The following KIF11 variants were observed in gnomAD, a reference collection of about 807,000 sequenced individuals.
KIF11 encodes the protein kinesin-like protein KIF11.
KIF11 carries 9 observed loss-of-function variants against 121.0 expected under a neutral mutation model. The observed-to-expected ratio is 0.07, with a 90% confidence interval of 0.04 to 0.13. The LOEUF is 0.13. Ranked by LOEUF, KIF11 falls within the 10% of genes least tolerant of loss-of-function variation. KIF11 has a pLI of 1.00. For synonymous variants in KIF11, 408 were observed against 421.0 expected (o/e 0.97, Z 0.38); for missense variants, 846 against 1,217.5 (o/e 0.69, Z 4.54).
In KIF11 at chr10:92,651,507, GTTTTTTTTTTT is replaced by G. The variant is rs1175303233; in HGVS notation, c.3039+1021_3039+1031del. 7.4e-4 allele frequency among the ~76,000 whole-genome samples: 39 copies of G among 52,974 alleles called. 4 individuals carry two copies. The highest frequency in any genetic ancestry group is 1.9e-3 in the South Asian group (2 of 1,032). The allele number at this position is 52,974 out of a possible 152,430, so 34.8% of individuals were successfully genotyped here. A position where few individuals can be genotyped will look rare whatever the true frequency, so the allele number is the denominator to read the frequency against. On this transcript the variant is annotated intron_variant, in intron 21 of 21. Coordinates refer to ENST00000260731, the MANE Select transcript of KIF11 (RefSeq NM_004523.4). Reference sequence around the variant, plus strand: ...TGTGCCACCATGCCTGGCTAATTTTGTTTTTTTTTTTTTTTTTTTTTTTTTTTTTTTTTTTT... The same window carrying G: ...TGTGCCACCATGCCTGGCTAATTTTGTTTTTTTTTTTTTTTTTTTTTTTTT...
At chr10:92,612,993 T>C (rs766869481) in intron 6 of KIF11, 47 bp from the exon 7 acceptor site, 4 of 1,082,732 alleles carry the variant, frequency 3.7e-6, no homozygotes, top group Non-Finnish European at 5.5e-6. Flanking sequence ...AAGCAGCAAA[T>C]GCTATTTTAC....
At chr10:92,599,109 G>A (rs1466990356) in intron 1 of KIF11, among the ~76,000 whole-genome samples, 1 of 150,886 alleles carries the variant, frequency 6.6e-6, no homozygotes, top group Non-Finnish European at 1.5e-5. Flanking sequence ...CATTTTATAA[G>A]TCTTTCACCT....
At chr10:92,643,282 A>G (rs1325606345) in intron 17 of KIF11, among the ~76,000 whole-genome samples, 2 of 152,098 alleles carry the variant, frequency 1.3e-5, no homozygotes, top group African/African-American at 4.8e-5. Flanking sequence ...TACTTTTTAA[A>G]TATTCCCTTT....
Position 92,593,228 on chromosome 10 carries a change from A to T in KIF11, c.-148A>T. On this transcript the variant is annotated 5_prime_UTR_variant, in exon 1 of 22. Transcript: ENST00000260731. ...CCAGAGTACCGGGTAGAGAGCGGGG[A>T]CGCCGACCTGCGTGCGTCGGTCCTC... 1 of 682,352 alleles carries T rather than the reference A, an allele frequency of 1.5e-6. No homozygotes were observed. Among genetic ancestry groups the T allele is most frequent in the Non-Finnish European group, 2.5e-6 (1 of 403,410 alleles). The allele number at this position is 682,352 out of a possible 1,614,324, so 42.3% of individuals were successfully genotyped here.
Position 92,653,983 on chromosome 10 carries a change from A to G in KIF11, c.*187A>G, listed in dbSNP as rs1469474930. ...TGGATTGCTTGAGCCCAGGAGTTTG[A>G]GACCAGCCTGGCCAACGTGGCAAAA... On this transcript the variant is annotated 3_prime_UTR_variant, in exon 22 of 22. Transcript: ENST00000260731. 5 of 420,080 alleles carry G rather than the reference A, an allele frequency of 1.2e-5. No individual in the cohort carries two copies. In the East Asian group the frequency reaches 2.2e-4, roughly 18 times the overall value. 26.0% of individuals were successfully genotyped at this position (420,080 alleles called of 1,614,324 possible).
chr10:92,610,554 G>A (rs1844484573), intron 6 of KIF11, among the ~76,000 whole-genome samples: 1 of 152,034 alleles, frequency 6.6e-6, no homozygotes, highest in Non-Finnish European at 1.5e-5. Context: ...GTGTGTGTGT[G>A]GTCTTTAAAC....
At chr10:92,622,514 C>T (rs1844629497) in intron 10 of KIF11, among the ~76,000 whole-genome samples, 1 of 151,750 alleles carries the variant, frequency 6.6e-6, no homozygotes, top group South Asian at 2.1e-4. Context: ...ACTCGGGAGG[C>T]TGAGGCAGGA....
intron 12 of KIF11, among the ~76,000 whole-genome samples, chr10:92,631,024 G>A (rs1844733053): frequency 6.6e-6 from 1 of 151,528 alleles, no homozygotes; most frequent in Admixed American, 6.6e-5. Context: ...GGTGGCTCAC[G>A]CCTGTAATCC....
chr10:92,618,058 A>G (rs1449980408), intron 9 of KIF11, among the ~76,000 whole-genome samples: 1 of 151,962 alleles, frequency 6.6e-6, no homozygotes, highest in Non-Finnish European at 1.5e-5. Flanking sequence ...TTTAATTAGC[A>G]TTTCCCTAAT....
intron 10 of KIF11, among the ~76,000 whole-genome samples, chr10:92,625,686 C>T: frequency 6.6e-6 from 1 of 152,096 alleles, no homozygotes; most frequent in East Asian, 1.9e-4. Context: ...ACCCCATAGT[C>T]TCTGTCCATA....
In KIF11 at chr10:92,636,925, C is replaced by T. The variant is rs113179374; in HGVS notation, c.1876-259C>T. 0.15 allele frequency among the ~76,000 whole-genome samples: 22,488 copies of T among 147,858 alleles called. 3,559 individuals are homozygous for T. The highest frequency in any genetic ancestry group is 0.4 in the African/African-American group (16,339 of 40,592). Reference sequence around the variant, plus strand: ...GCTCACACCTATAATCCCAGCTACTCCGGAGGCTGAGGCAGGAGAATCACT... The same window carrying T: ...GCTCACACCTATAATCCCAGCTACTTCGGAGGCTGAGGCAGGAGAATCACT... On this transcript the variant is annotated intron_variant, in intron 14 of 21. Transcript: ENST00000260731.
At chr10:92,606,072 A>G (rs1412893970) in intron 1 of KIF11, among the ~76,000 whole-genome samples, 193 bp from the exon 2 acceptor site, 1 of 152,220 alleles carries the variant, frequency 6.6e-6, no homozygotes, top group Non-Finnish European at 1.5e-5. Flanking sequence ...TTAAAAAATT[A>G]TATTTGTGAA....
At chr10:92,599,770 A>T (rs1204187781) in intron 1 of KIF11, among the ~76,000 whole-genome samples, 2 of 145,506 alleles carry the variant, frequency 1.4e-5, no homozygotes, top group Non-Finnish European at 3.0e-5. Context: ...CTCCTGCCTC[A>T]GCCTCCCGAG....
intron 8 of KIF11, among the ~76,000 whole-genome samples, chr10:92,614,934 G>A (rs184929873): frequency 6.5e-4 from 99 of 152,142 alleles, no homozygotes; most frequent in African/African-American, 2.1e-3. Context: ...CTACAAGTGT[G>A]AGCCACCAGG....
chr10:92,633,575 AATAT>A, intron 13 of KIF11, 44 bp from the exon 14 acceptor site: 5 of 1,302,702 alleles, frequency 3.8e-6, no homozygotes, highest in African/African-American at 1.5e-5. Flanking sequence ...AACGGTATTT[AATAT>A]ATTTATGTCA....
chr10:92,599,930 C>T (rs1235818968), intron 1 of KIF11, among the ~76,000 whole-genome samples: 2 of 149,302 alleles, frequency 1.3e-5, no homozygotes, highest in Non-Finnish European at 1.5e-5. Flanking sequence ...GGATTACAGC[C>T]GTGAGCCACT....
intron 6 of KIF11, among the ~76,000 whole-genome samples, chr10:92,612,469 T>A (rs892396642): frequency 2.0e-5 from 3 of 152,218 alleles, no homozygotes; most frequent in African/African-American, 7.2e-5. Flanking sequence ...AGGTAGACTT[T>A]TGAACATTTT....
At chr10:92,642,596 A>C (rs1202383705) in intron 17 of KIF11, among the ~76,000 whole-genome samples, 1 of 152,108 alleles carries the variant, frequency 6.6e-6, no homozygotes, top group Non-Finnish European at 1.5e-5. Context: ...TATTAGTTCT[A>C]TCAGTTTTTG....
At position 92,605,331 on chromosome 10, in the gene KIF11, A is replaced by T. The variant is rs190231200; in HGVS notation, c.78-934A>T. 5.7e-3 allele frequency among the ~76,000 whole-genome samples: 868 copies of T among 152,312 alleles called. 13 individuals carry two copies. Among genetic ancestry groups the T allele is most frequent in the Non-Finnish European group, 4.9e-3 (335 of 68,026 alleles). On this transcript the variant is annotated intron_variant, in intron 1 of 21. Transcript: ENST00000260731. ...GAGCACAATGCAAAGCACTTGAAAC[A>T]ATAAGTACCTGGCACATAGTAAGTA...
Sources: gnomAD v4.1 joint callset for allele counts (sites outside exome capture counted in the v4.1 genomes callset) on GRCh38, gnomAD v4.1.1 for gene constraint, MANE v1.5 for transcripts, NCBI Gene and HGNC (gene_info 2026-07-23, HGNC 2026-07-21) for gene names.